FARS2: variants seen among roughly 807,000 people sequenced by gnomAD.
The protein encoded by FARS2 is phenylalanine--tRNA ligase, mitochondrial.
A neutral mutation model predicts 46.4 loss-of-function variants in FARS2; 40 were observed. The ratio of observed to expected loss-of-function variants is 0.86; its 90% CI spans 0.67 to 1.12. The LOEUF is 1.12. Ranked by LOEUF, FARS2 falls within the 50% of genes most tolerant of loss-of-function variation. FARS2 has a pLI of 0.00. For missense variants in FARS2, 513 were observed against 567.9 expected, an observed-to-expected ratio of 0.90 and a Z score of 0.98; for synonymous variants, 234 against 214.9, an observed-to-expected ratio of 1.09 and a Z score of -0.78.
intron 2 of FARS2, 131 bp from the exon 3 acceptor site, chr6:5,404,411 C>G: frequency 3.9e-6 from 2 of 507,444 alleles, no homozygotes; most frequent in South Asian, 9.4e-5. Context: ...CGTTTATTGA[C>G]AGGACATAAT....
chr6:5,687,248 G>C (rs908607396), intron 6 of FARS2, among the ~76,000 whole-genome samples: 1 of 152,156 alleles, frequency 6.6e-6, no homozygotes, highest in Non-Finnish European at 1.5e-5. Context: ...ATTGCTTTTG[G>C]TGTTTTAGAC....
At chr6:5,706,592 C>G (rs1349593181) in intron 6 of FARS2, among the ~76,000 whole-genome samples, 1 of 152,138 alleles carries the variant, frequency 6.6e-6, no homozygotes, top group African/African-American at 2.4e-5. Context: ...AAACTCGTGG[C>G]TACATCGACT....
chr6:5,715,449 G>A (rs181332637), intron 6 of FARS2, among the ~76,000 whole-genome samples: 5 of 152,112 alleles, frequency 3.3e-5, no homozygotes, highest in East Asian at 3.9e-4. Context: ...AGCAATCACC[G>A]CCCTTTCCCT....
intron 1 of FARS2, among the ~76,000 whole-genome samples, chr6:5,362,467 A>G (rs1758365375): frequency 1.3e-5 from 2 of 152,246 alleles, no homozygotes; most frequent in African/African-American, 4.8e-5. Context: ...CATTTTCTTT[A>G]TACACTCATC....
intron 1 of FARS2, among the ~76,000 whole-genome samples, chr6:5,295,865 T>C (rs1019794324): frequency 6.6e-6 from 1 of 151,982 alleles, no homozygotes; most frequent in African/African-American, 2.4e-5. Context: ...GGTATATAGC[T>C]CCAAGGGGGA....
intron 4 of FARS2, among the ~76,000 whole-genome samples, chr6:5,511,646 G>A (rs1265756557): frequency 3.9e-5 from 6 of 152,230 alleles, no homozygotes; most frequent in Non-Finnish European, 4.4e-5. Context: ...GCCAGGTAAT[G>A]TATTAGGAGG....
intron 5 of FARS2, among the ~76,000 whole-genome samples, chr6:5,608,821 T>A (rs1235250304): frequency 6.6e-6 from 1 of 152,056 alleles, no homozygotes; most frequent in Non-Finnish European, 1.5e-5. Flanking sequence ...CTGAAGGAAT[T>A]CTAACTTCAC....
At chr6:5,540,808 A>C (rs1001194779) in intron 4 of FARS2, among the ~76,000 whole-genome samples, 6 of 152,210 alleles carry the variant, frequency 3.9e-5, no homozygotes, top group Non-Finnish European at 8.8e-5. Context: ...CAGAGGAAGA[A>C]TCTCACAGTC....
chr6:5,585,991 G>A (rs143199266), intron 5 of FARS2, among the ~76,000 whole-genome samples: 70 of 152,086 alleles, frequency 4.6e-4, no homozygotes, highest in African/African-American at 1.2e-3. Context: ...AGGAAGCAGC[G>A]TACTATTTTC....
chr6:5,712,910 G>A (rs1272972502), intron 6 of FARS2, among the ~76,000 whole-genome samples: 6 of 152,234 alleles, frequency 3.9e-5, no homozygotes, highest in African/African-American at 1.4e-4. Context: ...ACACCTAGCT[G>A]TATCTAAAAT....
chr6:5,469,394 G>C (rs890981165), intron 4 of FARS2, among the ~76,000 whole-genome samples: 1 of 152,202 alleles, frequency 6.6e-6, no homozygotes, highest in Non-Finnish European at 1.5e-5. Context: ...GTCCTTCAGC[G>C]GGTGACAGTA....
At chr6:5,723,425 C>A (rs1277866261) in intron 6 of FARS2, among the ~76,000 whole-genome samples, 1 of 152,168 alleles carries the variant, frequency 6.6e-6, no homozygotes, top group Non-Finnish European at 1.5e-5. Flanking sequence ...GGACACGCTG[C>A]AGACCCTTCC....
intron 2 of FARS2, among the ~76,000 whole-genome samples, chr6:5,399,615 C>A (rs919503048): frequency 1.3e-5 from 2 of 152,192 alleles, no homozygotes; most frequent in Admixed American, 1.3e-4. Flanking sequence ...GTTTCCACCA[C>A]CTCTGTGTAG....
chr6:5,347,789 C>G (rs959318885), intron 1 of FARS2, among the ~76,000 whole-genome samples: 1 of 152,154 alleles, frequency 6.6e-6, no homozygotes, highest in Non-Finnish European at 1.5e-5. Flanking sequence ...TCTGCGTGTT[C>G]CACATCTTCA....
intron 6 of FARS2, among the ~76,000 whole-genome samples, chr6:5,645,249 C>A (rs867710197): frequency 3.8e-4 from 58 of 152,324 alleles, no homozygotes; most frequent in Middle Eastern, 6.8e-3. Flanking sequence ...TGCTTGCAGG[C>A]AGAATTAAAA....
intron 2 of FARS2, among the ~76,000 whole-genome samples, chr6:5,392,059 A>C (rs2127692576): frequency 6.6e-6 from 1 of 152,352 alleles, no homozygotes; most frequent in South Asian, 2.1e-4. Context: ...ATTTAATTTC[A>C]ATACTGTGGT....
chr6:5,714,071 T>C (rs1759344799), intron 6 of FARS2, among the ~76,000 whole-genome samples: 1 of 151,282 alleles, frequency 6.6e-6, no homozygotes. Flanking sequence ...AACACGCCAT[T>C]GTGTGTGTGT....
At position 5,680,308 on chromosome 6, in the gene FARS2, A is replaced by G. The variant is rs183269406; in HGVS notation, c.1217+66988A>G. ...GCTGCAGCTGATGGTCAGAGTAGCC[A>G]CGGGTTAGGCATGAGTAGCCATGGG... On this transcript the variant is annotated intron_variant, in intron 6 of 6. Transcript: ENST00000274680. Among the ~76,000 whole-genome samples the G allele has an allele frequency of 1.8e-3, 274 of 152,312 alleles. 1 individual carries two copies. The highest frequency in any genetic ancestry group is 2.1e-3 in the Non-Finnish European group (146 of 68,024).
intron 2 of FARS2, among the ~76,000 whole-genome samples, chr6:5,377,901 T>C (rs1018320365): frequency 2.0e-5 from 3 of 152,198 alleles, no homozygotes; most frequent in African/African-American, 7.2e-5. Context: ...CTATAATGTT[T>C]TGAAATTTTT....
Sources: allele counts gnomAD v4.1 joint callset (sites outside exome capture counted in the v4.1 genomes callset), GRCh38; gene constraint gnomAD v4.1.1; transcripts MANE v1.5; gene names NCBI Gene and HGNC (gene_info 2026-07-23, HGNC 2026-07-21).